The following PHTF2 variants were observed in gnomAD, a reference collection of about 807,000 sequenced individuals.
The protein encoded by PHTF2 is putative homeodomain transcription factor 2.
In PHTF2, 60 loss-of-function variants were observed where a neutral mutation model predicts 101.2. The observed-to-expected ratio is 0.59, with a 90% CI of 0.48 to 0.73. PHTF2 has a LOEUF of 0.73. PHTF2 is among the 30% of genes least tolerant of loss of function. PHTF2 has a pLI of 0.00. For synonymous variants in PHTF2, 311 were observed against 307.3 expected, an observed-to-expected ratio of 1.01 and a Z score of -0.13; for missense variants, 747 against 908.7, an observed-to-expected ratio of 0.82 and a Z score of 2.29.
chr7:77,853,239 T>A (rs13241989), intron 2 of PHTF2, among the ~76,000 whole-genome samples: 1 of 152,020 alleles, frequency 6.6e-6, no homozygotes, highest in East Asian at 1.9e-4. Flanking sequence ...CTAGATCTTA[T>A]AGCCATGCTT....
chr7:77,953,840 T>C (rs1178381663), exon 19 of PHTF2: 4 of 1,613,224 alleles, frequency 2.5e-6, no homozygotes, highest in Non-Finnish European at 3.4e-6. Flanking sequence ...CCCAGGTTGT[T>C]ATCCTGTCAG....
intron 9 of PHTF2, among the ~76,000 whole-genome samples, chr7:77,912,323 A>G (rs1256688439): frequency 6.6e-6 from 1 of 152,190 alleles, no homozygotes; most frequent in Non-Finnish European, 1.5e-5. Flanking sequence ...TATGAATGAG[A>G]CTTTTATTAG....
chr7:77,822,865 C>A (rs1794400987), intron 1 of PHTF2, among the ~76,000 whole-genome samples: 1 of 149,408 alleles, frequency 6.7e-6, no homozygotes, highest in Non-Finnish European at 1.5e-5. Context: ...AGTCAGTCAT[C>A]TTATTGATGT....
chr7:77,914,018 A>G (rs1802658854), intron 9 of PHTF2, among the ~76,000 whole-genome samples: 2 of 149,194 alleles, frequency 1.3e-5, no homozygotes, highest in African/African-American at 4.9e-5. Flanking sequence ...GTGAGCTGAG[A>G]TGGCACCACT....
chr7:77,895,563 C>G (rs1800804597), intron 5 of PHTF2, among the ~76,000 whole-genome samples: 2 of 152,044 alleles, frequency 1.3e-5, no homozygotes, highest in African/African-American at 4.8e-5. Context: ...CAGGTTGACA[C>G]ATTTGGAATT....
At chr7:77,864,847 C>T (rs937055374) in intron 3 of PHTF2, among the ~76,000 whole-genome samples, 1 of 151,972 alleles carries the variant, frequency 6.6e-6, no homozygotes, top group Non-Finnish European at 1.5e-5. Context: ...CTAGCATCCT[C>T]CAAAGGTCAC....
At chr7:77,882,857 C>A (rs1249854904) in intron 3 of PHTF2, among the ~76,000 whole-genome samples, 1 of 152,104 alleles carries the variant, frequency 6.6e-6, no homozygotes, top group Admixed American at 6.5e-5. Context: ...TTAAATGATT[C>A]ATCTTCCTCA....
intron 13 of PHTF2, among the ~76,000 whole-genome samples, chr7:77,938,639 T>TGGTGGCGGGCGC (rs1805367422): frequency 6.6e-6 from 1 of 151,796 alleles, no homozygotes; most frequent in African/African-American, 2.4e-5. Context: ...TAGCCGGGCG[T>TGGTGGCGGGCGC]GGTGGCGGGC....
At chr7:77,829,919 C>T (rs1264677973) in intron 1 of PHTF2, among the ~76,000 whole-genome samples, 3 of 151,986 alleles carry the variant, frequency 2.0e-5, no homozygotes, top group Non-Finnish European at 4.4e-5. Flanking sequence ...TATCTTTGTA[C>T]CCTTTAATGT....
At chr7:77,893,581 A>T in intron 3 of PHTF2, 27 bp from the exon 3 acceptor site, 1 of 1,053,996 alleles carries the variant, frequency 9.5e-7, no homozygotes, top group Non-Finnish European at 1.4e-6. Flanking sequence ...AGCAATGACC[A>T]TTTAATGTAG....
chr7:77,859,524 T>G (rs747432800), intron 3 of PHTF2, among the ~76,000 whole-genome samples: 3 of 151,920 alleles, frequency 2.0e-5, no homozygotes, highest in Non-Finnish European at 2.9e-5. Flanking sequence ...TAAAGATACC[T>G]TGCAAAACAG....
intron 2 of PHTF2, among the ~76,000 whole-genome samples, chr7:77,850,360 CAAAAAAAAA>C (rs71082789): frequency 1.1e-4 from 5 of 44,376 alleles, no homozygotes; most frequent in African/African-American, 4.3e-4. Context: ...GACCTTGTCT[CAAAAAAAAA>C]AAAAAAAAAA....
intron 3 of PHTF2, among the ~76,000 whole-genome samples, chr7:77,892,266 G>A (rs1250875654): frequency 6.6e-6 from 1 of 152,082 alleles, no homozygotes. Flanking sequence ...CTCCAGCCTG[G>A]GCAACAGAGC....
chr7:77,907,578 A>T (rs1197473838), intron 7 of PHTF2, among the ~76,000 whole-genome samples: 1 of 152,204 alleles, frequency 6.6e-6, no homozygotes, highest in Non-Finnish European at 1.5e-5. Context: ...AAGTTTACTC[A>T]TGTTGTCCTG....
chr7:77,876,884 C>G (rs943911588), intron 3 of PHTF2, among the ~76,000 whole-genome samples: 6 of 152,116 alleles, frequency 3.9e-5, no homozygotes, highest in African/African-American at 1.4e-4. Flanking sequence ...GATTTCCACT[C>G]TATAATAATT....
chr7:77,801,088 G>A (rs1220918826), intron 1 of PHTF2, among the ~76,000 whole-genome samples: 1 of 152,208 alleles, frequency 6.6e-6, no homozygotes, highest in Non-Finnish European at 1.5e-5. Context: ...GGCACTGTTG[G>A]ATTTTGCTGA....
intron 1 of PHTF2, among the ~76,000 whole-genome samples, chr7:77,814,921 CAAA>C (rs1380547409): frequency 1.3e-5 from 2 of 151,578 alleles, no homozygotes; most frequent in African/African-American, 4.8e-5. Context: ...CTAAAAATAC[CAAA>C]AAATTAGCCA....
At chr7:77,800,397 T>G (rs202225813) in intron 1 of PHTF2, among the ~76,000 whole-genome samples, 8 of 152,228 alleles carry the variant, frequency 5.3e-5, no homozygotes, top group Admixed American at 1.3e-4. Flanking sequence ...AGACTGGCTG[T>G]CTGAATGCAT....
chr7:77,829,269 A>G (rs530616066), intron 1 of PHTF2, among the ~76,000 whole-genome samples: 10 of 152,336 alleles, frequency 6.6e-5, no homozygotes, highest in African/African-American at 2.4e-4. Flanking sequence ...GAGAGATGTT[A>G]CTTGCCTGTA....
Sources: gnomAD v4.1 joint callset for allele counts (sites outside exome capture counted in the v4.1 genomes callset) on GRCh38, gnomAD v4.1.1 for gene constraint, MANE v1.5 for transcripts, NCBI Gene and HGNC (gene_info 2026-07-23, HGNC 2026-07-21) for gene names.